PARP9: variants seen among roughly 807,000 people sequenced by gnomAD.
The protein encoded by PARP9 is poly(ADP-ribose) polymerase family member 9, also known as protein mono-ADP-ribosyltransferase PARP9.
In PARP9, 48 loss-of-function variants were observed where a neutral mutation model predicts 68.8. The observed-to-expected ratio is 0.70, with a 90% CI of 0.55 to 0.89. The LOEUF is 0.89. Ranked by LOEUF, PARP9 falls within the 40% of genes least tolerant of loss-of-function variation. PARP9 has a pLI of 0.00. For synonymous variants in PARP9, 309 were observed against 333.8 expected, an observed-to-expected ratio of 0.93 and a Z score of 0.81; for missense variants, 806 against 969.3, an observed-to-expected ratio of 0.83 and a Z score of 2.24.
At position 122,550,861 on chromosome 3, in the gene PARP9, C is replaced by T. The variant is rs531567710; in HGVS notation, c.1108-59G>A. 1.0e-4 allele frequency: 148 copies of T among 1,429,078 alleles called. 1 individual carries two copies. In the Middle Eastern group the frequency reaches 1.4e-3, roughly 13 times the overall value. The allele number at this position is 1,429,078 out of a possible 1,614,324, so 88.5% of individuals were successfully genotyped here. A position where few individuals can be genotyped will look rare whatever the true frequency, so the allele number is the denominator to read the frequency against. On this transcript the variant is annotated intron_variant, in intron 5 of 10. Transcript: ENST00000682323. ...GAGTCAAGAACAAGACTCCACTTAC[C>T]CCTTGATCCTGCCCATATTTTACAA...
chr3:122,536,238 C>T lies in PARP9; in HGVS notation c.2010G>A (p.Gln670=). ...CATTGCAGAACTGGTATGGGACTTGCTGAAACAGCCTATGGCTCACAGGTT... is the reference window on the plus strand; with the variant it reads ...CATTGCAGAACTGGTATGGGACTTGTTGAAACAGCCTATGGCTCACAGGTT... ...HRQPVSHRLF[Q]QVPYQFCNVV... is the part of the protein sequence containing the mutation. The change falls in exon 10 of 11, where the codon CAG becomes CAA. Residue 670 remains glutamine, a synonymous_variant. Transcript: ENST00000682323. The T allele has an allele frequency of 1.9e-6, 3 of 1,614,174 alleles. No individual in the cohort carries two copies. The highest frequency in any genetic ancestry group is 1.7e-6 in the Non-Finnish European group (2 of 1,180,026).
intron 3 of PARP9, 42 bp downstream of exon 3, chr3:122,558,392 C>A (rs1180771715): frequency 6.2e-7 from 1 of 1,614,158 alleles, no homozygotes; most frequent in Admixed American, 1.7e-5. Context: ...AAGATCTGAG[C>A]AAAGACTTTC....
chr3:122,529,192 C>G (rs923937726), intron 10 of PARP9, among the ~76,000 whole-genome samples: 1 of 140,782 alleles, frequency 7.1e-6, no homozygotes, highest in Non-Finnish European at 1.5e-5. Flanking sequence ...GAGCCAAGAT[C>G]GCACCACTGC....
At chr3:122,562,646 C>G (rs1464106565) in intron 1 of PARP9, among the ~76,000 whole-genome samples, 2 of 152,180 alleles carry the variant, frequency 1.3e-5, no homozygotes, top group African/African-American at 4.8e-5. Context: ...ATCAGCGCTT[C>G]TCCTGTATTC....
intron 8 of PARP9, among the ~76,000 whole-genome samples, chr3:122,537,846 C>T (rs1273925356): frequency 2.0e-5 from 3 of 152,020 alleles, no homozygotes; most frequent in African/African-American, 7.3e-5. Flanking sequence ...CTTCCTCCTT[C>T]CTTCCTTTTT....
chr3:122,544,465 A>G (rs1298761387), intron 7 of PARP9, among the ~76,000 whole-genome samples: 1 of 152,156 alleles, frequency 6.6e-6, no homozygotes, highest in Admixed American at 6.5e-5. Context: ...CAGAACTGTT[A>G]ATGCTCTCCT....
intron 1 of PARP9, among the ~76,000 whole-genome samples, chr3:122,563,818 CT>C (rs1315442674): frequency 3.3e-5 from 5 of 152,136 alleles, no homozygotes; most frequent in African/African-American, 1.2e-4. Flanking sequence ...TCCGCCTCCC[CT>C]CACCAGCCCT....
chr3:122,534,219 C>G, intron 10 of PARP9: 1 of 842,844 alleles, frequency 1.2e-6, no homozygotes, highest in Non-Finnish European at 1.4e-6. Flanking sequence ...AGGCCTCGTG[C>G]CCACTGAATT....
At chr3:122,539,258 CTTCCCTGACTTCCCAAGTCTGGG>C (rs1238580012) in intron 8 of PARP9, among the ~76,000 whole-genome samples, 1 of 152,172 alleles carries the variant, frequency 6.6e-6, no homozygotes, top group Non-Finnish European at 1.5e-5. Context: ...GTGATAAGCC[CTTCCCTGACTTCCCAAGTCTGGG>C]TTAGGTGCCT....
chr3:122,563,166 A>C (rs935184609), intron 1 of PARP9, among the ~76,000 whole-genome samples: 1 of 152,310 alleles, frequency 6.6e-6, no homozygotes, highest in Non-Finnish European at 1.5e-5. Flanking sequence ...CAAATCTGGC[A>C]AGTCATTTTC....
Position 122,555,753 on chromosome 3 carries a change from C to A in PARP9, c.418G>T (p.Val140Leu). ...SKQFVARYGK[V>L]SAGEIAVTGA... The stretch of plus-strand genomic sequence containing the variant: ...GTGACAGCTATCTCACCAGCTGACA[C>A]TTTACCATATCTGGCAACAAACTGT... Residue 140 changes from valine to leucine, a missense_variant, in exon 4 of 11, where the codon GTG becomes TTG. Coordinates refer to ENST00000682323, the MANE Select transcript of PARP9 (RefSeq NM_001146105.2). The A allele has an allele frequency of 6.2e-7, 1 of 1,614,072 alleles. No homozygotes were observed. Among genetic ancestry groups the A allele is most frequent in the Non-Finnish European group, 8.5e-7 (1 of 1,180,024 alleles).
At chr3:122,551,482 T>C (rs890978660) in intron 5 of PARP9, among the ~76,000 whole-genome samples, 2 of 152,198 alleles carry the variant, frequency 1.3e-5, no homozygotes, top group African/African-American at 4.8e-5. Context: ...TATTCTTTAA[T>C]GCTTTTATTT....
chr3:122,556,730 C>A (rs999287444), intron 3 of PARP9, among the ~76,000 whole-genome samples: 1 of 151,912 alleles, frequency 6.6e-6, no homozygotes, highest in Non-Finnish European at 1.5e-5. Flanking sequence ...GCAGATGGAA[C>A]TTAACTCTAC....
At position 122,552,450 on chromosome 3, in the gene PARP9, C is replaced by T. The variant is rs1421891743; in HGVS notation, c.1075G>A (p.Val359Ile). 1.2e-5 allele frequency: 20 copies of T among 1,613,634 alleles called. No individual in the cohort carries two copies. In the East Asian group the frequency reaches 1.8e-4, roughly 14 times the overall value. The change falls in exon 5 of 11, where the codon GTA becomes ATA. Residue 359 changes from valine to isoleucine, a missense_variant. Val to Ile is a conservative substitution (Grantham distance 29). This residue lies in a region of PARP9 where 680 missense variants were observed against 858.8 expected (regional missense o/e 0.79). Coordinates refer to ENST00000682323, the MANE Select transcript of PARP9 (RefSeq NM_001146105.2). ...FNLFCKYIYH[V>I]LWHSEFPKPQ... ...TTAGGAAATTCTGAATGCCACAGTA[C>T]ATGGTATATATATTTACAGAACAAG... is the stretch of plus-strand genomic sequence containing the variant.
At chr3:122,557,577 C>T (rs2079808449) in intron 3 of PARP9, among the ~76,000 whole-genome samples, 1 of 152,186 alleles carries the variant, frequency 6.6e-6, no homozygotes, top group African/African-American at 2.4e-5. Flanking sequence ...GGGCAGCCTC[C>T]ATCAGTAGCT....
Position 122,555,275 on chromosome 3 carries a change from C to A in PARP9, c.885+11G>T. The A allele has an allele frequency of 1.9e-6, 3 of 1,593,906 alleles. No individual in the cohort carries two copies. The highest frequency in any genetic ancestry group is 1.1e-5 in the South Asian group (1 of 87,978). ...CTGTGCCAGTGCAAGAGAATAGAAA[C>A]AAAGACTTACCGTCTGCCATTCAAT... is the stretch of plus-strand genomic sequence containing the variant. On this transcript the variant is annotated intron_variant, in intron 4 of 10. Transcript: ENST00000682323.
At chr3:122,549,982 G>T (rs1390102477) in intron 6 of PARP9, among the ~76,000 whole-genome samples, 2 of 152,194 alleles carry the variant, frequency 1.3e-5, no homozygotes, top group Non-Finnish European at 2.9e-5. Context: ...AAACTAGAAG[G>T]TTGCTTACCT....
At chr3:122,562,593 G>A (rs999850954) in intron 1 of PARP9, among the ~76,000 whole-genome samples, 3 of 152,154 alleles carry the variant, frequency 2.0e-5, no homozygotes, top group African/African-American at 7.2e-5. Flanking sequence ...AAATGTAAAA[G>A]GTTTCCTCCT....
In PARP9 at chr3:122,556,141, TAAAAAAAAAAAAAA is replaced by T. The variant is rs745677021; in HGVS notation, c.50-34_50-21del. 6,601 of 209,674 alleles carry T rather than the reference TAAAAAAAAAAAAAA, an allele frequency of 0.031. 331 individuals are homozygous for T. The highest frequency in any genetic ancestry group is 0.23 in the African/African-American group (4,835 of 21,344). 13.0% of individuals were successfully genotyped at this position (209,674 alleles called of 1,614,324 possible). A position where few individuals can be genotyped will look rare whatever the true frequency, so the allele number is the denominator to read the frequency against. On this transcript the variant is annotated intron_variant, in intron 3 of 10. Transcript: ENST00000682323. ...CAGTCTCTGGAAAAGAAGAGAAGATTAAAAAAAAAAAAAAAAAAAAAAAAAAAAAAAAGCACAGT... is the reference window on the plus strand; with the variant it reads ...CAGTCTCTGGAAAAGAAGAGAAGATTAAAAAAAAAAAAAAAAAAGCACAGT...
Sources: gnomAD v4.1 joint callset for allele counts (sites outside exome capture counted in the v4.1 genomes callset) on GRCh38, gnomAD v4.1.1 for gene constraint, gnomAD v4.1.1 regional missense constraint, MANE v1.5 for transcripts, NCBI Gene and HGNC (gene_info 2026-07-23, HGNC 2026-07-21) for gene names.